The following HIPK3 variants were observed in gnomAD, a reference collection of about 807,000 sequenced individuals.
HIPK3 encodes the protein homeodomain-interacting protein kinase 3.
Under a neutral mutation model 124.2 loss-of-function variants are expected in HIPK3, and 47 were observed. The observed-to-expected ratio is 0.38, with a 90% confidence interval of 0.30 to 0.48. The LOEUF (loss-of-function observed/expected upper bound fraction) is 0.48. HIPK3 is among the 20% of genes least tolerant of loss of function. The pLI, the probability that HIPK3 is intolerant of heterozygous loss-of-function variation, is 0.98. For missense variants in HIPK3, 1,286 were observed against 1,454.3 expected, an observed-to-expected ratio of 0.88 and a Z score of 1.88; for synonymous variants, 482 against 515.2, an observed-to-expected ratio of 0.94 and a Z score of 0.87.
At chr11:33,297,198 A>G (rs1228108734) in intron 2 of HIPK3, among the ~76,000 whole-genome samples, 1 of 151,764 alleles carries the variant, frequency 6.6e-6, no homozygotes, top group Non-Finnish European at 1.5e-5. Context: ...GGTTGGATCA[A>G]TTCTCCTGCC....
chr11:33,348,282 T>C (rs936600479), intron 12 of HIPK3, 54 bp downstream of exon 12: 7 of 1,489,362 alleles, frequency 4.7e-6, no homozygotes, highest in Non-Finnish European at 6.5e-6. Context: ...AATGTAGCAA[T>C]TGTGGACATT....
intron 1 of HIPK3, among the ~76,000 whole-genome samples, chr11:33,274,009 T>A (rs1233232257): frequency 6.6e-6 from 1 of 152,192 alleles, no homozygotes; most frequent in Admixed American, 6.5e-5. Context: ...CTCTTTCAGG[T>A]GTGAATATAG....
intron 3 of HIPK3, among the ~76,000 whole-genome samples, chr11:33,332,299 A>G (rs1022925194): frequency 6.6e-6 from 1 of 152,090 alleles, no homozygotes; most frequent in South Asian, 2.1e-4. Flanking sequence ...ATAGACATCT[A>G]TATTTAGTGT....
At chr11:33,341,961 T>C (rs1853347723) in intron 8 of HIPK3, among the ~76,000 whole-genome samples, 1 of 151,110 alleles carries the variant, frequency 6.6e-6, no homozygotes, top group South Asian at 2.1e-4. Flanking sequence ...ATTAGCTGGG[T>C]ATGGTGGTGC....
At chr11:33,317,274 AT>A (rs3028961) in intron 2 of HIPK3, among the ~76,000 whole-genome samples, 2,332 of 102,138 alleles carry the variant, frequency 0.023, 26 homozygotes, top group South Asian at 0.028. Context: ...GCCTGGCCCT[AT>A]TTTTTTTTTT....
intron 3 of HIPK3, among the ~76,000 whole-genome samples, chr11:33,333,724 G>A (rs1215827123): frequency 1.3e-5 from 2 of 152,152 alleles, no homozygotes; most frequent in Non-Finnish European, 2.9e-5. Context: ...AACTCCTGAG[G>A]TACATTAATT....
rs189461418 is a variant in HIPK3, at chr11:33,323,103, A to G, written c.1098-5407A>G. On this transcript the variant is annotated intron_variant, in intron 2 of 16. Transcript: ENST00000303296. Reference sequence around the variant, plus strand: ...TACCCGATGAATGGATAAATAAAATATTGTATACAAGGGAATATTATTCAG... The same window carrying G: ...TACCCGATGAATGGATAAATAAAATGTTGTATACAAGGGAATATTATTCAG... Among the ~76,000 whole-genome samples the G allele has an allele frequency of 4.8e-4, 73 of 152,312 alleles. 1 individual carries two copies. Among genetic ancestry groups the G allele is most frequent in the Non-Finnish European group, 9.4e-4 (64 of 68,024 alleles).
In HIPK3 at chr11:33,338,782, C is replaced by G. The variant is rs1270352772; in HGVS notation, c.1367C>G (p.Thr456Arg). The G allele has an allele frequency of 6.2e-7, 1 of 1,611,554 alleles. No homozygotes were observed. Among genetic ancestry groups the G allele is most frequent in the Non-Finnish European group, 8.5e-7 (1 of 1,178,170 alleles). Residue 456 changes from threonine (T) to arginine (R), a missense_variant, in exon 5 of 17, where the codon ACA becomes AGA. Transcript: ENST00000303296. Reference protein sequence around the residue: ...LKTLEEHEAETGMKSKEARKY... With the variant: ...LKTLEEHEAERGMKSKEARKY... ...ACATTGGAAGAGCATGAGGCAGAGA[C>G]AGGAATGAAGTCTAAAGAAGCCAGA...
chr11:33,336,695 TC>T (rs1853159197), intron 3 of HIPK3, among the ~76,000 whole-genome samples: 1 of 152,204 alleles, frequency 6.6e-6, no homozygotes. Context: ...CCTCTGTACT[TC>T]CAGTCTTTGA....
chr11:33,318,375 A>G (rs1216068581), intron 2 of HIPK3, among the ~76,000 whole-genome samples: 2 of 152,242 alleles, frequency 1.3e-5, no homozygotes, highest in African/African-American at 4.8e-5. Context: ...CTGGCCCAAA[A>G]GTCCAGTAGT....
chr11:33,348,627 C>T lies in HIPK3; in HGVS notation c.2475C>T (p.Asp825=), dbSNP rs141483565. 3.2e-5 allele frequency: 51 copies of T among 1,614,028 alleles called. No homozygotes were observed. Among genetic ancestry groups the T allele is most frequent in the Non-Finnish European group, 4.3e-5 (51 of 1,179,922 alleles). The part of the protein sequence containing the change: ...VEEVSCIETQ[D]NQNSEGEARN... ...AAGTAAGTTGTATAGAAACACAGGA[C>T]AATCAGAACTCAGAAGGAGAGGCAA... is the stretch of plus-strand genomic sequence containing the variant. Residue 825 remains aspartate, a synonymous_variant, in exon 13 of 17, where the codon GAC becomes GAT. Coordinates refer to ENST00000303296, the MANE Select transcript of HIPK3 (RefSeq NM_005734.5).
chr11:33,328,612 A>T lies in HIPK3; in HGVS notation c.1200A>T (p.Pro400=), dbSNP rs144371900. The T allele has an allele frequency of 3.1e-6, 5 of 1,613,472 alleles. No individual in the cohort carries two copies. In the African/African-American group the frequency reaches 5.3e-5, roughly 17 times the overall value. ...AELFLGWPLY[P]GALEYDQIRY... is the part of the protein sequence containing the mutation. ...TATTTCTTGGATGGCCGCTCTACCC[A>T]GGAGCCTTGGAGTATGATCAGGTAA... Residue 400 remains proline (P), a synonymous_variant, in exon 3 of 17, where the codon CCA becomes CCT. Transcript: ENST00000303296.
intron 1 of HIPK3, among the ~76,000 whole-genome samples, chr11:33,274,284 C>G (rs538235787): frequency 6.6e-6 from 1 of 151,956 alleles, no homozygotes; most frequent in Non-Finnish European, 1.5e-5. Context: ...TTGACCTTTG[C>G]CTTCTTAATC....
At chr11:33,344,735 C>G (rs1238591934) in intron 8 of HIPK3, among the ~76,000 whole-genome samples, 1 of 152,208 alleles carries the variant, frequency 6.6e-6, no homozygotes, top group Non-Finnish European at 1.5e-5. Context: ...ATAACAGGTG[C>G]AGTTGCAGCA....
intron 2 of HIPK3, among the ~76,000 whole-genome samples, chr11:33,316,242 G>A (rs1290444285): frequency 1.3e-5 from 2 of 152,188 alleles, no homozygotes; most frequent in Non-Finnish European, 2.9e-5. Flanking sequence ...CATTCTGTGG[G>A]ATATTGAAAA....
intron 1 of HIPK3, among the ~76,000 whole-genome samples, chr11:33,259,146 T>C (rs775162496): frequency 9.2e-5 from 14 of 152,212 alleles, no homozygotes; most frequent in South Asian, 2.1e-4. Context: ...GGAGTACTTA[T>C]ATTCATTCAA....
intron 8 of HIPK3, among the ~76,000 whole-genome samples, chr11:33,344,830 C>T (rs1433656774): frequency 2.0e-5 from 3 of 152,140 alleles, no homozygotes; most frequent in African/African-American, 7.2e-5. Context: ...CCTCTACAGT[C>T]TTAGTATCTA....
At position 33,287,463 on chromosome 11, in the gene HIPK3, A is replaced by G. The variant is rs995166517; in HGVS notation, c.1049A>G (p.His350Arg). The change falls in exon 2 of 17, where the codon CAT becomes CGT. Residue 350 changes from histidine to arginine, a missense_variant. By Grantham distance (29) the His-to-Arg change is conservative (BLOSUM62 0). This residue lies in a region of HIPK3 where 251 missense variants were observed against 349.1 expected (regional missense o/e 0.72). Coordinates refer to ENST00000303296, the MANE Select transcript of HIPK3 (RefSeq NM_005734.5). ...GTAATAGACTTTGGGTCGGCCAGTCATGTATCAAAGACTGTTTGTTCAACA... is the reference window on the plus strand; with the variant it reads ...GTAATAGACTTTGGGTCGGCCAGTCGTGTATCAAAGACTGTTTGTTCAACA... ...VKVIDFGSASHVSKTVCSTYL... is the reference protein window; with the variant it reads ...VKVIDFGSASRVSKTVCSTYL... The G allele has an allele frequency of 5.6e-6, 9 of 1,613,922 alleles. No individual in the cohort carries two copies. In the Admixed American group the frequency reaches 1.0e-4, roughly 18 times the overall value.
At chr11:33,266,312 T>C (rs1424971977) in intron 1 of HIPK3, among the ~76,000 whole-genome samples, 2 of 79,172 alleles carry the variant, frequency 2.5e-5, no homozygotes, top group Non-Finnish European at 6.1e-5. Context: ...CTGTTTACTT[T>C]ATTAAAATGA....
Sources: gnomAD v4.1 joint callset for allele counts (sites outside exome capture counted in the v4.1 genomes callset) on GRCh38, gnomAD v4.1.1 for gene constraint, gnomAD v4.1.1 regional missense constraint, MANE v1.5 for transcripts, NCBI Gene and HGNC (gene_info 2026-07-23, HGNC 2026-07-21) for gene names.